The following TBX5 variants were observed in gnomAD, a reference collection of about 807,000 sequenced individuals.
The protein encoded by TBX5 is T-box transcription factor TBX5.
A neutral mutation model predicts 51.1 loss-of-function variants in TBX5; 8 were observed. The ratio of observed to expected loss-of-function variants is 0.16; its 90% CI spans 0.09 to 0.28. TBX5 has a LOEUF of 0.28. TBX5 is among the 10% of genes least tolerant of loss of function. The pLI, the probability that TBX5 is intolerant of heterozygous loss-of-function variation, is 1.00. For missense variants in TBX5, 589 were observed against 671.7 expected (o/e 0.88, Z 1.36); for synonymous variants, 302 against 266.4 (o/e 1.13, Z -1.30).
chr12:114,369,283 C>T (rs1869725513), intron 7 of TBX5, among the ~76,000 whole-genome samples: 1 of 152,174 alleles, frequency 6.6e-6, no homozygotes, highest in Admixed American at 6.5e-5. Flanking sequence ...TCCAGTACAG[C>T]CAAATTGCAA....
At chr12:114,406,986 C>T (rs1746859420), upstream of TBX5, 2 of 920,898 alleles carry the variant, frequency 2.2e-6, no homozygotes, top group Non-Finnish European at 2.6e-6. Flanking sequence ...GTTCTGTTTC[C>T]CATCCTTACC....
intron 7 of TBX5, among the ~76,000 whole-genome samples, chr12:114,370,268 G>C (rs904323671): frequency 6.0e-4 from 38 of 63,384 alleles, no homozygotes; most frequent in Non-Finnish European, 1.0e-3. Context: ...GAAAAGAAAA[G>C]AAAAGAAAAG....
chr12:114,386,094 G>C (rs1870802273), intron 6 of TBX5, among the ~76,000 whole-genome samples: 1 of 152,124 alleles, frequency 6.6e-6, no homozygotes. Flanking sequence ...GCGTTTCCTA[G>C]TTCTGGTGGA....
chr12:114,359,028 A>T (rs1452161025), intron 8 of TBX5, among the ~76,000 whole-genome samples: 1 of 152,228 alleles, frequency 6.6e-6, no homozygotes, highest in African/African-American at 2.4e-5. Context: ...AAGAGGAAAA[A>T]AAAACAAGGC....
chr12:114,398,434 C>A (rs1445691502), intron 5 of TBX5, 139 bp downstream of exon 5: 22 of 1,245,624 alleles, frequency 1.8e-5, no homozygotes, highest in Non-Finnish European at 2.4e-5. Flanking sequence ...AGGCAGAAAG[C>A]GACGAAAGTG....
intron 6 of TBX5, among the ~76,000 whole-genome samples, chr12:114,392,251 C>T (rs1045976551): frequency 4.6e-5 from 7 of 150,620 alleles, no homozygotes; most frequent in Non-Finnish European, 1.0e-4. Context: ...ACATCAATCA[C>T]TAAATACGTG....
intron 7 of TBX5, among the ~76,000 whole-genome samples, chr12:114,370,263 G>C (rs1016026589): frequency 5.6e-5 from 6 of 106,256 alleles, no homozygotes; most frequent in Non-Finnish European, 1.2e-4. Context: ...GAAAAGAAAA[G>C]AAAAGAAAAG....
At chr12:114,371,844 G>C (rs73392891) in intron 7 of TBX5, among the ~76,000 whole-genome samples, 3,357 of 152,096 alleles carry the variant, frequency 0.022, 108 homozygotes, top group African/African-American at 0.076. Flanking sequence ...TAACATGCAC[G>C]GACACGGCAG....
chr12:114,368,112 A>G (rs1418259520), intron 7 of TBX5, among the ~76,000 whole-genome samples: 1 of 152,236 alleles, frequency 6.6e-6, no homozygotes, highest in East Asian at 1.9e-4. Context: ...TTATCTAAAT[A>G]AGTTAAGCTT....
At chr12:114,370,114 G>C (rs1869772934) in intron 7 of TBX5, among the ~76,000 whole-genome samples, 1 of 151,690 alleles carries the variant, frequency 6.6e-6, no homozygotes, top group Admixed American at 6.6e-5. Context: ...AATTAGCTGG[G>C]CATGTACTTG....
chr12:114,358,932 C>T (rs1249110203), intron 8 of TBX5, among the ~76,000 whole-genome samples: 1 of 152,004 alleles, frequency 6.6e-6, no homozygotes, highest in East Asian at 1.9e-4. Context: ...TCCATTGTTG[C>T]TGGAATCATA....
Position 114,398,846 on chromosome 12 carries a change from G to A in TBX5, c.363-126C>T, listed in dbSNP as rs1488297965. ...AGTAGTAGCTGGGAATAATCTGGAG[G>A]CTCTCCCGTCTCCCTTAGGTATCTG... On this transcript the variant is annotated intron_variant, in intron 4 of 8. Coordinates refer to ENST00000405440, the MANE Select transcript of TBX5 (RefSeq NM_181486.4). 2.4e-5 allele frequency: 29 copies of A among 1,206,806 alleles called. No homozygotes were observed. In the South Asian group the frequency reaches 3.8e-4, roughly 16 times the overall value. 74.8% of individuals were successfully genotyped at this position (1,206,806 alleles called of 1,614,324 possible).
chr12:114,400,708 G>C (rs1285522199), intron 3 of TBX5, among the ~76,000 whole-genome samples: 1 of 152,242 alleles, frequency 6.6e-6, no homozygotes, highest in African/African-American at 2.4e-5. Context: ...CGGGGGGAAA[G>C]AGGGACTCGG....
At chr12:114,404,785 T>G (rs1301419069) in intron 1 of TBX5, among the ~76,000 whole-genome samples, 2 of 152,102 alleles carry the variant, frequency 1.3e-5, no homozygotes, top group South Asian at 4.1e-4. Flanking sequence ...GGGGTTTCTC[T>G]GAACTTCAGC....
rs1324284229 is a variant in TBX5, at chr12:114,355,340, C to T, written c.*192G>A. ...GTTTTGAGACAAAACAAGAAAGTCA[C>T]ATTTTTAAAATTGTGGTTTCAAGCT... is the stretch of plus-strand genomic sequence containing the variant. On this transcript the variant is annotated 3_prime_UTR_variant, in exon 9 of 9. Coordinates refer to ENST00000405440, the MANE Select transcript of TBX5 (RefSeq NM_181486.4). 9.1e-6 allele frequency: 7 copies of T among 765,914 alleles called. No individual in the cohort carries two copies. Among genetic ancestry groups the T allele is most frequent in the Non-Finnish European group, 1.3e-5 (6 of 449,760 alleles). The allele number at this position is 765,914 out of a possible 1,614,324, so 47.4% of individuals were successfully genotyped here. A position where few individuals can be genotyped will look rare whatever the true frequency, so the allele number is the denominator to read the frequency against.
intron 6 of TBX5, among the ~76,000 whole-genome samples, chr12:114,388,054 G>A (rs949158809): frequency 2.0e-5 from 3 of 152,150 alleles, no homozygotes; most frequent in African/African-American, 2.4e-5. Context: ...TTGCCATGTT[G>A]TCCAGGCTGG....
At chr12:114,386,226 T>A (rs1870810770) in intron 6 of TBX5, among the ~76,000 whole-genome samples, 1 of 152,228 alleles carries the variant, frequency 6.6e-6, no homozygotes, top group Non-Finnish European at 1.5e-5. Context: ...CTTGGAAATC[T>A]GTGTTGCAAC....
At chr12:114,362,520 C>T (rs1444721605) in intron 8 of TBX5, among the ~76,000 whole-genome samples, 2 of 152,134 alleles carry the variant, frequency 1.3e-5, no homozygotes, top group African/African-American at 2.4e-5. Context: ...TACCCTCACA[C>T]CTCCCCCTTC....
chr12:114,402,293 C>T (rs965010824), intron 2 of TBX5, among the ~76,000 whole-genome samples: 1 of 150,970 alleles, frequency 6.6e-6, no homozygotes, highest in Non-Finnish European at 1.5e-5. Flanking sequence ...AAAAAAAAAA[C>T]CAGAGCCAAT....
Sources: allele counts gnomAD v4.1 joint callset (sites outside exome capture counted in the v4.1 genomes callset), GRCh38; gene constraint gnomAD v4.1.1; transcripts MANE v1.5; gene names NCBI Gene and HGNC (gene_info 2026-07-23, HGNC 2026-07-21).